CDH18: variants seen among roughly 807,000 people sequenced by gnomAD.
CDH18 encodes the protein cadherin 18, also known as cadherin-18.
In CDH18, 31 loss-of-function variants were observed where a neutral mutation model predicts 67.9. The ratio of observed to expected loss-of-function variants is 0.46; its 90% CI spans 0.34 to 0.62. CDH18 has a LOEUF of 0.62. Ranked by LOEUF, CDH18 falls within the 20% of genes least tolerant of loss-of-function variation. CDH18 has a pLI of 0.01. For synonymous variants in CDH18, 362 were observed against 347.2 expected, an observed-to-expected ratio of 1.04 and a Z score of -0.48; for missense variants, 890 against 975.5, an observed-to-expected ratio of 0.91 and a Z score of 1.17.
At chr5:19,639,001 T>TGG (rs527973902) in intron 5 of CDH18, among the ~76,000 whole-genome samples, 1 of 88,134 alleles carries the variant, frequency 1.1e-5, no homozygotes, top group Non-Finnish European at 2.4e-5. Context: ...TTTTTTTTTT[T>TGG]TTTGTTTGTT....
chr5:20,032,802 G>A (rs1178067660), intron 2 of CDH18, among the ~76,000 whole-genome samples: 1 of 151,846 alleles, frequency 6.6e-6, no homozygotes, highest in Non-Finnish European at 1.5e-5. Flanking sequence ...ATAAGTTGTT[G>A]TTGAAACAGC....
chr5:20,539,886 T>C (rs533847612), intron 1 of CDH18, among the ~76,000 whole-genome samples: 1 of 152,238 alleles, frequency 6.6e-6, no homozygotes, highest in South Asian at 2.1e-4. Context: ...CATACGTGAC[T>C]TCAGAGAAGT....
intron 3 of CDH18, among the ~76,000 whole-genome samples, chr5:19,834,207 G>C (rs1287794562): frequency 6.7e-6 from 1 of 148,788 alleles, no homozygotes; most frequent in African/African-American, 2.5e-5. Context: ...TTCAGAACTT[G>C]TTTTTGGTCT....
At chr5:19,972,912 G>A (rs527746539) in intron 2 of CDH18, among the ~76,000 whole-genome samples, 35 of 151,758 alleles carry the variant, frequency 2.3e-4, no homozygotes, top group South Asian at 8.6e-4. Flanking sequence ...TAAATATACC[G>A]TAAATTATCC....
intron 1 of CDH18, among the ~76,000 whole-genome samples, chr5:20,491,188 T>A (rs1000298605): frequency 1.3e-5 from 2 of 148,816 alleles, no homozygotes; most frequent in Admixed American, 1.3e-4. Flanking sequence ...TTAGGTATAG[T>A]ATTTGGTTTA....
chr5:20,325,746 T>A (rs2150014823), intron 1 of CDH18, among the ~76,000 whole-genome samples: 1 of 152,328 alleles, frequency 6.6e-6, no homozygotes, highest in South Asian at 2.1e-4. Flanking sequence ...TCCCTTACAA[T>A]CATCCTTTCC....
chr5:20,442,600 C>T (rs372680790), intron 1 of CDH18, among the ~76,000 whole-genome samples: 2 of 151,940 alleles, frequency 1.3e-5, no homozygotes, highest in East Asian at 3.9e-4. Context: ...CTGAAAGTGT[C>T]ATTCCTCATA....
At chr5:20,395,329 G>A (rs1745198606) in intron 1 of CDH18, among the ~76,000 whole-genome samples, 1 of 152,178 alleles carries the variant, frequency 6.6e-6, no homozygotes, top group Admixed American at 6.5e-5. Flanking sequence ...TCTAAGTGAA[G>A]CAGCTCAGGG....
intron 2 of CDH18, among the ~76,000 whole-genome samples, chr5:20,084,279 G>C (rs1027926761): frequency 6.6e-6 from 1 of 152,202 alleles, no homozygotes; most frequent in Non-Finnish European, 1.5e-5. Flanking sequence ...AAATCTTAAA[G>C]CTCCAAAATG....
intron 2 of CDH18, among the ~76,000 whole-genome samples, chr5:20,051,842 C>A (rs2117882): frequency 6.6e-6 from 1 of 151,994 alleles, no homozygotes; most frequent in East Asian, 1.9e-4. Flanking sequence ...AATGTAAACA[C>A]GATATATGTC....
At chr5:20,188,697 T>C (rs1194303017) in intron 2 of CDH18, among the ~76,000 whole-genome samples, 2 of 151,926 alleles carry the variant, frequency 1.3e-5, no homozygotes, top group African/African-American at 2.4e-5. Flanking sequence ...CTTATTGCAA[T>C]GTCCCCCTCA....
chr5:20,182,086 A>G (rs1737726318), intron 2 of CDH18, among the ~76,000 whole-genome samples: 1 of 152,134 alleles, frequency 6.6e-6, no homozygotes, highest in East Asian at 1.9e-4. Context: ...AAATCTGGGA[A>G]GAAAAATTTG....
intron 9 of CDH18, among the ~76,000 whole-genome samples, chr5:19,525,096 G>A (rs945988606): frequency 6.6e-6 from 1 of 152,132 alleles, no homozygotes; most frequent in Non-Finnish European, 1.5e-5. Context: ...CTCCAGTGAA[G>A]TAAGAAACTG....
chr5:20,459,277 T>G (rs936077716), intron 1 of CDH18, among the ~76,000 whole-genome samples: 1 of 152,322 alleles, frequency 6.6e-6, no homozygotes, highest in Non-Finnish European at 1.5e-5. Flanking sequence ...TCAGTAGAGA[T>G]ATTTTTATGT....
At chr5:20,481,115 C>A (rs902507727) in intron 1 of CDH18, among the ~76,000 whole-genome samples, 3 of 150,840 alleles carry the variant, frequency 2.0e-5, no homozygotes, top group Non-Finnish European at 2.9e-5. Context: ...TATAAAGACA[C>A]ACATAGACTG....
intron 2 of CDH18, among the ~76,000 whole-genome samples, chr5:19,921,074 T>C (rs867822244): frequency 1.3e-5 from 2 of 152,050 alleles, no homozygotes; most frequent in Non-Finnish European, 2.9e-5. Flanking sequence ...TGAAAATAAA[T>C]TCTGGAAAGA....
intron 2 of CDH18, among the ~76,000 whole-genome samples, chr5:20,099,191 T>C (rs571942488): frequency 6.6e-5 from 10 of 152,186 alleles, no homozygotes; most frequent in Non-Finnish European, 1.3e-4. Context: ...ATAATCTCAA[T>C]TACACCAAAA....
At chr5:19,813,948 C>A (rs1056115628) in intron 3 of CDH18, among the ~76,000 whole-genome samples, 1 of 151,226 alleles carries the variant, frequency 6.6e-6, no homozygotes, top group East Asian at 1.9e-4. Flanking sequence ...ATAAAATAAG[C>A]CAAAATAAGT....
At chr5:19,498,048 T>C (rs1742639288) in intron 11 of CDH18, among the ~76,000 whole-genome samples, 1 of 152,210 alleles carries the variant, frequency 6.6e-6, no homozygotes, top group African/African-American at 2.4e-5. Flanking sequence ...AGGAGTGATG[T>C]GGAGGCCCCA....
Sources: gnomAD v4.1 joint callset for allele counts (sites outside exome capture counted in the v4.1 genomes callset) on GRCh38, gnomAD v4.1.1 for gene constraint, MANE v1.5 for transcripts, NCBI Gene and HGNC (gene_info 2026-07-23, HGNC 2026-07-21) for gene names.